Variants in PRKN observed in about 807,000 individuals in gnomAD.
The protein encoded by PRKN is E3 ubiquitin-protein ligase parkin.
A neutral mutation model predicts 59.5 loss-of-function variants in PRKN; 56 were observed. That is an observed-to-expected ratio of 0.94 (90% confidence interval 0.76 to 1.18). PRKN has a LOEUF of 1.18. PRKN is among the 50% of genes most tolerant of loss of function. PRKN has a pLI of 0.00. For missense variants in PRKN, 657 were observed against 596.4 expected (o/e 1.10, Z -1.06); for synonymous variants, 250 against 222.1 (o/e 1.13, Z -1.12).
intron 5 of PRKN, among the ~76,000 whole-genome samples, chr6:162,043,924 G>A (rs1361495657): frequency 1.3e-5 from 2 of 152,186 alleles, no homozygotes; most frequent in African/African-American, 4.8e-5. Context: ...GAACAGTCAA[G>A]ACAGAAGACC....
At chr6:162,621,286 G>A (rs985291785) in intron 1 of PRKN, among the ~76,000 whole-genome samples, 3 of 152,104 alleles carry the variant, frequency 2.0e-5, no homozygotes, top group Non-Finnish European at 4.4e-5. Context: ...AGTAAGTAGC[G>A]ACTTGAAAAT....
chr6:162,222,521 G>T (rs906209799), intron 3 of PRKN, among the ~76,000 whole-genome samples: 1 of 152,136 alleles, frequency 6.6e-6, no homozygotes, highest in Admixed American at 6.6e-5. Context: ...AGAAAGCTAG[G>T]ACTTCAGTCC....
intron 1 of PRKN, among the ~76,000 whole-genome samples, chr6:162,494,764 C>G (rs1440178249): frequency 6.6e-6 from 1 of 152,188 alleles, no homozygotes; most frequent in Non-Finnish European, 1.5e-5. Flanking sequence ...CCCAGTTACC[C>G]TGCTGAGAAA....
rs1274753252 is a variant in PRKN, at chr6:161,401,710, A to G, written c.1084-14833T>C. On this transcript the variant is annotated intron_variant, in intron 9 of 11. Transcript: ENST00000366898. This position sits in a 1 kb window ranked among gnomAD's most constrained non-coding sequence, Gnocchi z 4.4. ...GACAGAAGCTGAAATAAATCCCCCA[A>G]ATGTCTTGAACACTTTCTAGGCTTG... 1.3e-5 allele frequency among the ~76,000 whole-genome samples: 2 copies of G among 151,980 alleles called. No homozygotes were observed.
intron 8 of PRKN, among the ~76,000 whole-genome samples, chr6:161,563,198 C>T (rs1178645987): frequency 6.6e-6 from 1 of 151,986 alleles, no homozygotes; most frequent in Non-Finnish European, 1.5e-5. Context: ...AGGTGACATC[C>T]CTATTTGTTT....
chr6:162,682,416 GC>G (rs1779805938), intron 1 of PRKN, among the ~76,000 whole-genome samples: 1 of 152,096 alleles, frequency 6.6e-6, no homozygotes, highest in South Asian at 2.1e-4. Context: ...GGAATATTAT[GC>G]AGCCATAAAA....
At chr6:162,601,147 A>G (rs907277079) in intron 1 of PRKN, among the ~76,000 whole-genome samples, 3 of 152,086 alleles carry the variant, frequency 2.0e-5, no homozygotes, top group African/African-American at 4.8e-5. Context: ...AAGGGCACAC[A>G]TGTCAAGAGG....
Position 161,632,328 on chromosome 6 carries a change from T to C in PRKN, c.872-62912A>G, listed in dbSNP as rs1409068832. Among the ~76,000 whole-genome samples, 3 of 152,160 alleles carry C rather than the reference T, an allele frequency of 2.0e-5. No individual in the cohort carries two copies. The East Asian group carries it at 5.8e-4, about 29-fold the overall frequency. On this transcript the variant is annotated intron_variant, in intron 7 of 11. Coordinates refer to ENST00000366898, the MANE Select transcript of PRKN (RefSeq NM_004562.3). Reference sequence around the variant, plus strand: ...GATTTACATGAGAAAAAAAACCCCATAAATGGCAACCCAGGCAGACACAGG... The same window carrying C: ...GATTTACATGAGAAAAAAAACCCCACAAATGGCAACCCAGGCAGACACAGG...
At chr6:161,384,646 CAG>C (rs1786148279) in intron 10 of PRKN, among the ~76,000 whole-genome samples, 1 of 152,234 alleles carries the variant, frequency 6.6e-6, no homozygotes, top group Admixed American at 6.5e-5. Flanking sequence ...CCTGGAGACA[CAG>C]GGGAACAGAG....
chr6:162,331,579 ATGTGAGCTTGG>A lies in PRKN; in HGVS notation c.172-68825_172-68815del, dbSNP rs559776971. ...CAGCATTTGTACTTCCCCTTTCAAAATGTGAGCTTGGTGGACACCACCTAAATTGGTTTTGT... is the reference window on the plus strand; with the variant it reads ...CAGCATTTGTACTTCCCCTTTCAAAATGGACACCACCTAAATTGGTTTTGT... On this transcript the variant is annotated intron_variant, in intron 2 of 11. Transcript: ENST00000366898. Among the ~76,000 whole-genome samples, 15 of 152,278 alleles carry A rather than the reference ATGTGAGCTTGG, an allele frequency of 9.9e-5. No homozygotes were observed. The East Asian group carries it at 2.9e-3, about 29-fold the overall frequency.
intron 2 of PRKN, among the ~76,000 whole-genome samples, chr6:162,332,866 A>G (rs9347624): frequency 0.054 from 8,224 of 152,150 alleles, 446 homozygotes; most frequent in African/African-American, 0.13. Flanking sequence ...ACACAGCTTC[A>G]TGAAGGCCAT....
chr6:161,510,640 TA>T (rs1778349898), intron 9 of PRKN, among the ~76,000 whole-genome samples: 1 of 152,220 alleles, frequency 6.6e-6, no homozygotes, highest in South Asian at 2.1e-4. Flanking sequence ...ACAGCAAAGC[TA>T]TTTGCATAAG....
chr6:161,756,349 G>A (rs2128196524), intron 7 of PRKN, among the ~76,000 whole-genome samples: 1 of 148,100 alleles, frequency 6.8e-6, no homozygotes, highest in Non-Finnish European at 1.5e-5. Flanking sequence ...GGCTGAGGAG[G>A]GAGAATCGCT....
chr6:162,438,061 A>G (rs1345555383), intron 2 of PRKN, among the ~76,000 whole-genome samples: 1 of 152,074 alleles, frequency 6.6e-6, no homozygotes. Flanking sequence ...CGAGTAATCC[A>G]ATTTCTCCAC....
At chr6:161,693,186 T>C (rs1275454657) in intron 7 of PRKN, among the ~76,000 whole-genome samples, 5 of 152,152 alleles carry the variant, frequency 3.3e-5, no homozygotes, top group Non-Finnish European at 5.9e-5. Context: ...TAAATATTTC[T>C]GAAAACCAAT....
At chr6:162,687,105 C>G (rs1358805747) in intron 1 of PRKN, among the ~76,000 whole-genome samples, 1 of 151,334 alleles carries the variant, frequency 6.6e-6, no homozygotes, top group Non-Finnish European at 1.5e-5. Flanking sequence ...TGCATTGAAT[C>G]TGTACACTGC....
At chr6:162,432,216 T>C (rs1438705312) in intron 2 of PRKN, among the ~76,000 whole-genome samples, 2 of 152,138 alleles carry the variant, frequency 1.3e-5, no homozygotes, top group African/African-American at 4.8e-5. Flanking sequence ...ATAAGCAATA[T>C]TAAAGATTGG....
chr6:161,601,646 G>A (rs147411733), intron 7 of PRKN, among the ~76,000 whole-genome samples: 3 of 150,452 alleles, frequency 2.0e-5, no homozygotes, highest in Non-Finnish European at 4.4e-5. Flanking sequence ...GCAGTGGCGC[G>A]ATCTCGGCTC....
chr6:161,350,072 T>C lies in PRKN; in HGVS notation c.*27A>G. On this transcript the variant is annotated 3_prime_UTR_variant, in exon 12 of 12. Transcript: ENST00000366898. ...ACACTGGGTATGCTCCCCCAGGATG[T>C]GGCGATGGGGCGCCCGGCCGCCCTG... The C allele has an allele frequency of 7.0e-7, 1 of 1,427,426 alleles. No individual in the cohort carries two copies. 88.4% of individuals were successfully genotyped at this position (1,427,426 alleles called of 1,614,324 possible). A position where few individuals can be genotyped will look rare whatever the true frequency, so the allele number is the denominator to read the frequency against.
Sources: allele counts gnomAD v4.1 joint callset (sites outside exome capture counted in the v4.1 genomes callset), GRCh38; gene constraint gnomAD v4.1.1; non-coding constraint Gnocchi (gnomAD v3.1); transcripts MANE v1.5; gene names NCBI Gene and HGNC (gene_info 2026-07-23, HGNC 2026-07-21).